Variants in EHBP1L1 observed in about 807,000 individuals in gnomAD.
EHBP1L1 encodes EH domain binding protein 1 like 1.
In EHBP1L1, 122 loss-of-function variants were observed where a neutral mutation model predicts 151.1. The ratio of observed to expected loss-of-function variants is 0.81; its 90% CI spans 0.70 to 0.94. EHBP1L1 has a LOEUF of 0.94. Ranked by LOEUF, EHBP1L1 falls within the 40% of genes least tolerant of loss-of-function variation. The pLI, the probability that EHBP1L1 is intolerant of heterozygous loss-of-function variation, is 0.00. For missense variants in EHBP1L1, 1,941 were observed against 1,959.8 expected (o/e 0.99, Z 0.18); for synonymous variants, 878 against 810.1 (o/e 1.08, Z -1.42).
intron 12 of EHBP1L1, among the ~76,000 whole-genome samples, chr11:65,586,903 C>T (rs372167883): frequency 6.6e-6 from 1 of 152,214 alleles, no homozygotes; most frequent in African/African-American, 2.4e-5. Context: ...AGGCCTTCCC[C>T]CAGCTCTTGT....
At chr11:65,590,699 C>A in intron 16 of EHBP1L1, 107 bp downstream of exon 16, 1 of 992,392 alleles carries the variant, frequency 1.0e-6, no homozygotes, top group Non-Finnish European at 1.5e-6. Flanking sequence ...CAAACGATTC[C>A]TCTTCCATCT....
rs995831311 is a variant in EHBP1L1 at position 65,591,874 on chromosome 11, G to A, written c.4357+1G>A. On this transcript the variant is annotated splice_donor_variant, in intron 17 of 18. Coordinates refer to ENST00000309295, the MANE Select transcript of EHBP1L1 (RefSeq NM_001099409.3). LOFTEE classifies it high-confidence loss of function. ...CTGCGGGCCATGCTGGCCATCGAAG[G>A]TGGGACATGGGCTCAGGGGCCGGGA... 6 of 1,592,312 alleles carry A rather than the reference G, an allele frequency of 3.8e-6. No individual in the cohort carries two copies. The highest frequency in any genetic ancestry group is 4.3e-6 in the Non-Finnish European group (5 of 1,170,038).
intron 12 of EHBP1L1, among the ~76,000 whole-genome samples, chr11:65,588,067 T>C (rs543232479): frequency 6.6e-6 from 1 of 151,580 alleles, no homozygotes; most frequent in Non-Finnish European, 1.5e-5. Flanking sequence ...GAGTGGGGGT[T>C]GGAGCTGTGA....
intron 11 of EHBP1L1, 44 bp downstream of exon 11, chr11:65,584,578 A>C (rs1248082545): frequency 1.9e-6 from 3 of 1,594,228 alleles, no homozygotes; most frequent in Non-Finnish European, 2.6e-6. Context: ...GAGGGTCTGG[A>C]GAGCCAGGCT....
intron 12 of EHBP1L1, among the ~76,000 whole-genome samples, chr11:65,589,346 C>A (rs1309981909): frequency 6.6e-6 from 1 of 152,196 alleles, no homozygotes; most frequent in African/African-American, 2.4e-5. Context: ...GAGCCATGAT[C>A]CTGCCACTGC....
chr11:65,580,831 C>T (rs746175959), intron 6 of EHBP1L1: 243 of 1,175,540 alleles, frequency 2.1e-4, no homozygotes, highest in Non-Finnish European at 2.7e-4. Flanking sequence ...GGGGCTTCCT[C>T]ATTCCTCCCT....
rs1857884611 is a variant in EHBP1L1 at position 65,585,156 on chromosome 11, G to T, written c.3498G>T (p.Gln1166His). 1.5e-6 allele frequency: 2 copies of T among 1,370,028 alleles called. No individual in the cohort carries two copies. Among genetic ancestry groups the T allele is most frequent in the South Asian group, 3.2e-5 (2 of 62,130 alleles). The allele number at this position is 1,370,028 out of a possible 1,614,324, so 84.9% of individuals were successfully genotyped here. Residue 1166 changes from glutamine to histidine, a missense_variant, in exon 12 of 19, where the codon CAG becomes CAT. Coordinates refer to ENST00000309295, the MANE Select transcript of EHBP1L1 (RefSeq NM_001099409.3). This position sits in a 1 kb window ranked among gnomAD's most constrained non-coding sequence, Gnocchi z 4.0. ...GAGTYRVGSA[Q>H]PSPPDDLDAG... ...GCACGTACCGCGTGGGCAGCGCCCAGCCCAGCCCGCCCGACGACCTGGACG... is the reference window on the plus strand; with the variant it reads ...GCACGTACCGCGTGGGCAGCGCCCATCCCAGCCCGCCCGACGACCTGGACG...
At position 65,579,070 on chromosome 11, in the gene EHBP1L1, T is replaced by TC. The variant is rs1857459967; in HGVS notation, c.105-3dup. 6.3e-7 allele frequency: 1 copy of TC among 1,577,700 alleles called. No homozygotes were observed. On this transcript the variant is annotated splice_region_variant and splice_polypyrimidine_tract_variant and intron_variant, in intron 1 of 18. Coordinates refer to ENST00000309295, the MANE Select transcript of EHBP1L1 (RefSeq NM_001099409.3). The stretch of plus-strand genomic sequence containing the variant: ...CTCCCTTTCTCCCTCCCCTTCCCCC[T>TC]CCCCCAGGCAGCCAGATAAGCTGGT...
At chr11:65,579,054 T>A in intron 1 of EHBP1L1, 24 bp from the exon 2 acceptor site, 2 of 1,565,746 alleles carry the variant, frequency 1.3e-6, no homozygotes, top group South Asian at 1.2e-5. Flanking sequence ...GCTCCCTTTC[T>A]CCCTCCCCTT....
Position 65,579,155 on chromosome 11 carries a change from G to A in EHBP1L1, c.162+20G>A. ...TCCAAGGTGGGGAAGGATGGCAACT[G>A]GGGATCCAGGTTAGGGATGGGGGCC... is the stretch of plus-strand genomic sequence containing the variant. On this transcript the variant is annotated intron_variant, in intron 2 of 18. Transcript: ENST00000309295. 6.3e-7 allele frequency: 1 copy of A among 1,582,600 alleles called. No individual in the cohort carries two copies. Among genetic ancestry groups the A allele is most frequent in the African/African-American group, 1.3e-5 (1 of 74,406 alleles).
chr11:65,581,771 T>C lies in EHBP1L1; in HGVS notation c.1099T>C (p.Ser367Pro). Residue 367 changes from serine to proline, a missense_variant, in exon 9 of 19, where the codon TCT (serine) becomes CCT (proline). Ser to Pro is a moderately conservative substitution (Grantham distance 74). Transcript: ENST00000309295. ...GGGCCCGAGCATTGAGGATAAAGGTTCTGGAGACCCTTTTGGAAGGCAGAG... is the reference window on the plus strand; with the variant it reads ...GGGCCCGAGCATTGAGGATAAAGGTCCTGGAGACCCTTTTGGAAGGCAGAG... Reference protein sequence around the residue: ...RLGPSIEDKGSGDPFGRQRLK... With the variant: ...RLGPSIEDKGPGDPFGRQRLK... 6.2e-7 allele frequency: 1 copy of C among 1,612,254 alleles called. No homozygotes were observed. Among genetic ancestry groups the C allele is most frequent in the South Asian group, 1.1e-5 (1 of 90,746 alleles).
At chr11:65,580,533 T>C in intron 6 of EHBP1L1, 54 bp downstream of exon 6, 1 of 1,578,692 alleles carries the variant, frequency 6.3e-7, no homozygotes. Flanking sequence ...GGAGGGAGGG[T>C]TACCCGGGCC....
In EHBP1L1 at chr11:65,591,789, C is replaced by CCCCCCCAA; in HGVS notation, c.4284-10_4284-9insCCCCCAAC. On this transcript the variant is annotated splice_polypyrimidine_tract_variant and intron_variant, in intron 16 of 18. Transcript: ENST00000309295. ...CCACCCCCCCGCCACCCACCCCCCGCCACCTTCCAGCATGGAGGAGCAGGA... is the reference window on the plus strand; with the variant it reads ...CCACCCCCCCGCCACCCACCCCCCGCCCCCCCAACACCTTCCAGCATGGAGGAGCAGGA... The CCCCCCCAA allele has an allele frequency of 1.3e-6, 2 of 1,540,410 alleles. No homozygotes were observed. The highest frequency in any genetic ancestry group is 8.8e-7 in the Non-Finnish European group (1 of 1,140,884).
rs1443067503 is a variant in EHBP1L1, at chr11:65,582,450, G to T, written c.1778G>T (p.Gly593Val). ...CAGGAGAAAGAAGTTGAGGGGTCAG[G>T]GTTCCCAGAGACTAGGACACTAGAA... ...GTQEKEVEGS[G>V]FPETRTLEIE... is the part of the protein sequence containing the mutation. Residue 593 changes from glycine (G) to valine (V), a missense_variant, in exon 9 of 19, where the codon GGG (glycine) becomes GTG (valine). Coordinates refer to ENST00000309295, the MANE Select transcript of EHBP1L1 (RefSeq NM_001099409.3). 2 of 1,612,594 alleles carry T rather than the reference G, an allele frequency of 1.2e-6. No individual in the cohort carries two copies. Among genetic ancestry groups the T allele is most frequent in the African/African-American group, 1.3e-5 (1 of 74,828 alleles).
rs1285572055 is a variant in EHBP1L1 at position 65,584,541 on chromosome 11, TG to T, written c.3300+11del. On this transcript the variant is annotated splice_region_variant and intron_variant, in intron 11 of 18. Coordinates refer to ENST00000309295, the MANE Select transcript of EHBP1L1 (RefSeq NM_001099409.3). Reference sequence around the variant, plus strand: ...CAAGCAGAACAACAAGCAGGTGAGATGGGGTGGGGGACTGCCTGGAGGGAAG... The same window carrying T: ...CAAGCAGAACAACAAGCAGGTGAGATGGGTGGGGGACTGCCTGGAGGGAAG... The T allele has an allele frequency of 6.2e-7, 1 of 1,610,342 alleles. No homozygotes were observed.
chr11:65,584,835 G>T lies in EHBP1L1; in HGVS notation c.3301-124G>T, dbSNP rs1459944250. On this transcript the variant is annotated intron_variant, in intron 11 of 18. Coordinates refer to ENST00000309295, the MANE Select transcript of EHBP1L1 (RefSeq NM_001099409.3). ...GCTGGATTTCCCTCGCTAGGAGGGG[G>T]CGGTGTTGCTAGGCAAAACCCGGGG... 143 of 1,287,090 alleles carry T rather than the reference G, an allele frequency of 1.1e-4. 5 individuals are homozygous for T. The South Asian group carries it at 1.6e-3, about 14-fold the overall frequency. 79.7% of individuals were successfully genotyped at this position (1,287,090 alleles called of 1,614,324 possible).
chr11:65,590,227 G>A lies in EHBP1L1; in HGVS notation c.4183+17G>A, dbSNP rs557826295. 111 of 1,611,046 alleles carry A rather than the reference G, an allele frequency of 6.9e-5. No homozygotes were observed. The East Asian group carries it at 1.0e-3, about 15-fold the overall frequency. Reference sequence around the variant, plus strand: ...TGGAGTCAGGTGGGGCATACATCTAGGGATCCCTTCCCCAACACATGCCAC... The same window carrying A: ...TGGAGTCAGGTGGGGCATACATCTAAGGATCCCTTCCCCAACACATGCCAC... On this transcript the variant is annotated intron_variant, in intron 15 of 18. Transcript: ENST00000309295.
rs954276266 is a variant in EHBP1L1 at position 65,581,482 on chromosome 11, G to A, written c.867-57G>A. 6.3e-6 allele frequency: 9 copies of A among 1,419,678 alleles called. No homozygotes were observed. The African/African-American group carries it at 1.2e-4, about 18-fold the overall frequency. 87.9% of individuals were successfully genotyped at this position (1,419,678 alleles called of 1,614,324 possible). A position where few individuals can be genotyped will look rare whatever the true frequency, so the allele number is the denominator to read the frequency against. Reference sequence around the variant, plus strand: ...CCAACAGTCTGAAGGGTGGCGGATGGTGCTGAGAGTTGGGGCCAAAGCAGC... The same window carrying A: ...CCAACAGTCTGAAGGGTGGCGGATGATGCTGAGAGTTGGGGCCAAAGCAGC... On this transcript the variant is annotated intron_variant, in intron 8 of 18. Coordinates refer to ENST00000309295, the MANE Select transcript of EHBP1L1 (RefSeq NM_001099409.3).
chr11:65,583,994 G>A (rs917907055), intron 9 of EHBP1L1: 31 of 1,405,134 alleles, frequency 2.2e-5, no homozygotes, highest in Non-Finnish European at 2.8e-5. Context: ...TTTCTGGGCT[G>A]ACTTTGAGGT....
Sources: gnomAD v4.1 joint callset for allele counts (sites outside exome capture counted in the v4.1 genomes callset) on GRCh38, gnomAD v4.1.1 for gene constraint, Gnocchi (gnomAD v3.1) non-coding constraint, MANE v1.5 for transcripts, NCBI Gene and HGNC (gene_info 2026-07-23, HGNC 2026-07-21) for gene names.